PTPRN2: variants seen among roughly 807,000 people sequenced by gnomAD.
The protein encoded by PTPRN2 is receptor-type tyrosine-protein phosphatase N2.
In PTPRN2, 74 loss-of-function variants were observed where a neutral mutation model predicts 118.8. That is an observed-to-expected ratio of 0.62 (90% confidence interval 0.52 to 0.76). The LOEUF (loss-of-function observed/expected upper bound fraction) is 0.76, where lower values mean the gene tolerates loss of function less well. PTPRN2 is among the 30% of genes least tolerant of loss of function. The pLI is 0.00. For synonymous variants in PTPRN2, 641 were observed against 608.0 expected (o/e 1.05, Z -0.80); for missense variants, 1,481 against 1,394.4 (o/e 1.06, Z -0.99).
At chr7:157,683,273 G>A (rs971729626) in intron 12 of PTPRN2, among the ~76,000 whole-genome samples, 2 of 152,126 alleles carry the variant, frequency 1.3e-5, no homozygotes, top group African/African-American at 2.4e-5. Context: ...TTCTAACCGG[G>A]CACAGCAGTT....
intron 10 of PTPRN2, among the ~76,000 whole-genome samples, chr7:158,096,729 T>C (rs912919609): frequency 2.6e-5 from 4 of 152,182 alleles, no homozygotes; most frequent in African/African-American, 9.7e-5. Flanking sequence ...TTACATAACA[T>C]GAGGCCCCAT....
chr7:158,170,121 A>T (rs1000323426), intron 5 of PTPRN2, among the ~76,000 whole-genome samples: 7 of 152,234 alleles, frequency 4.6e-5, no homozygotes, highest in African/African-American at 2.4e-5. Context: ...AATATGTGAG[A>T]GAGCAAGAGC....
chr7:158,247,051 C>T lies in PTPRN2; in HGVS notation c.278-41778G>A, dbSNP rs114084009. 4.7e-3 allele frequency among the ~76,000 whole-genome samples: 714 copies of T among 152,310 alleles called. 3 individuals are homozygous for T. Among genetic ancestry groups the T allele is most frequent in the African/African-American group, 0.016 (675 of 41,570 alleles). On this transcript the variant is annotated intron_variant, in intron 3 of 22. Transcript: ENST00000389418. ...GCTGGGAGACATGTGTGAGGACGCA[C>T]GATGGGGTTAGGCAGCCTGAGAAAC...
At chr7:157,918,929 C>A (rs1486876908) in intron 11 of PTPRN2, among the ~76,000 whole-genome samples, 2 of 152,208 alleles carry the variant, frequency 1.3e-5, no homozygotes, top group East Asian at 1.9e-4. Flanking sequence ...CCGGCACTAA[C>A]CCCCACAACA....
intron 2 of PTPRN2, among the ~76,000 whole-genome samples, chr7:158,351,636 G>A (rs1807943570): frequency 6.6e-6 from 1 of 152,252 alleles, no homozygotes; most frequent in East Asian, 1.9e-4. Flanking sequence ...TCCTTCTCAA[G>A]GGCAAGAGAG....
At chr7:157,554,899 C>T (rs758586606) in intron 21 of PTPRN2, among the ~76,000 whole-genome samples, 5 of 149,400 alleles carry the variant, frequency 3.3e-5, no homozygotes, top group Admixed American at 2.0e-4. Flanking sequence ...AGGTTTAATT[C>T]GAGTTGTCCA....
chr7:158,548,793 C>G (rs1826454447), intron 1 of PTPRN2, among the ~76,000 whole-genome samples: 1 of 152,208 alleles, frequency 6.6e-6, no homozygotes, highest in Admixed American at 6.5e-5. Context: ...AGAGGGGAGG[C>G]AGGAGCCGCC....
At chr7:158,465,828 C>T (rs1266287587) in intron 2 of PTPRN2, among the ~76,000 whole-genome samples, 1 of 152,200 alleles carries the variant, frequency 6.6e-6, no homozygotes, top group Non-Finnish European at 1.5e-5. Flanking sequence ...TCTCTGATCA[C>T]GTAAGCCTAG....
chr7:157,691,836 G>T (rs1047164022), intron 12 of PTPRN2, among the ~76,000 whole-genome samples: 5 of 152,152 alleles, frequency 3.3e-5, no homozygotes, highest in African/African-American at 1.2e-4. Context: ...TAGGGTCTCG[G>T]GGCGACTAGG....
intron 3 of PTPRN2, among the ~76,000 whole-genome samples, chr7:158,278,508 T>G (rs1158312358): frequency 1.3e-5 from 2 of 152,132 alleles, no homozygotes; most frequent in African/African-American, 2.4e-5. Flanking sequence ...ATCGCACCAT[T>G]TGGGCAACAA....
chr7:157,671,522 A>AG lies in PTPRN2; in HGVS notation c.2001+11202dup, dbSNP rs11300313. The stretch of plus-strand genomic sequence containing the variant: ...GGAGGGTCTGCAGGGATAAAGTGGG[A>AG]GGGGGGGCGGTGCAACGGAGGGAGC... On this transcript the variant is annotated intron_variant, in intron 13 of 22. Transcript: ENST00000389418. The surrounding 1 kb of genome is among the most constrained non-coding windows in gnomAD (Gnocchi z 4.1). Among the ~76,000 whole-genome samples the AG allele has an allele frequency of 1.2e-3, 182 of 151,228 alleles. 1 individual carries two copies. The highest frequency in any genetic ancestry group is 4.1e-3 in the African/African-American group (169 of 41,098).
At chr7:157,933,357 ACT>A (rs1799501026) in intron 11 of PTPRN2, among the ~76,000 whole-genome samples, 3 of 141,474 alleles carry the variant, frequency 2.1e-5, no homozygotes, top group African/African-American at 5.4e-5. Context: ...GGGGTGAGTC[ACT>A]CTGATTGACA....
intron 9 of PTPRN2, among the ~76,000 whole-genome samples, chr7:158,124,809 C>T (rs1817487175): frequency 6.6e-6 from 1 of 152,218 alleles, no homozygotes; most frequent in African/African-American, 2.4e-5. Context: ...GTCTGTATCT[C>T]AGGACCAGTG....
intron 15 of PTPRN2, 147 bp downstream of exon 15, chr7:157,621,215 C>CAGGGGCTGGTACACACAGGTCAGCA: frequency 7.4e-7 from 1 of 1,355,766 alleles, no homozygotes; most frequent in Non-Finnish European, 1.0e-6. Flanking sequence ...CCTCCCGTCC[C>CAGGGGCTGGTACACACAGGTCAGCA]CGGGGCTGGT....
intron 14 of PTPRN2, among the ~76,000 whole-genome samples, chr7:157,624,675 A>G (rs1803465684): frequency 6.6e-6 from 1 of 152,242 alleles, no homozygotes; most frequent in Non-Finnish European, 1.5e-5. Flanking sequence ...TCTGCACTGT[A>G]AAGTCAAACC....
chr7:157,981,413 C>G (rs2128828953), intron 11 of PTPRN2, among the ~76,000 whole-genome samples: 1 of 152,130 alleles, frequency 6.6e-6, no homozygotes, highest in Non-Finnish European at 1.5e-5. Flanking sequence ...CCTGCTATTC[C>G]AGGACAGATG....
At chr7:157,616,057 T>C (rs985695351) in intron 15 of PTPRN2, 2 of 175,866 alleles carry the variant, frequency 1.1e-5, no homozygotes, top group Non-Finnish European at 2.4e-5. Flanking sequence ...CAGGAGACGG[T>C]GAGCCCGGCT....
chr7:158,446,545 T>C (rs1817739844), intron 2 of PTPRN2, among the ~76,000 whole-genome samples: 1 of 151,614 alleles, frequency 6.6e-6, no homozygotes. Flanking sequence ...ACCCGGACTC[T>C]GCCTGGGCCA....
rs900411983 is a variant in PTPRN2 at position 158,146,684 on chromosome 7, G to A, written c.911-8169C>T. 1.1e-4 allele frequency among the ~76,000 whole-genome samples: 16 copies of A among 145,538 alleles called. 2 individuals carry two copies. Among genetic ancestry groups the A allele is most frequent in the African/African-American group, 4.2e-4 (16 of 38,436 alleles). ...AGTAGTGAGCTGAGATCGCGCCACT[G>A]CACTCCAGCCTGGGCGACAGAGCGA... On this transcript the variant is annotated intron_variant, in intron 6 of 22. Transcript: ENST00000389418.
Sources: gnomAD v4.1 joint callset for allele counts (sites outside exome capture counted in the v4.1 genomes callset) on GRCh38, gnomAD v4.1.1 for gene constraint, Gnocchi (gnomAD v3.1) non-coding constraint, MANE v1.5 for transcripts, NCBI Gene and HGNC (gene_info 2026-07-23, HGNC 2026-07-21) for gene names.